The following AGTPBP1 variants were observed in gnomAD, a reference collection of about 807,000 sequenced individuals.
AGTPBP1 encodes the protein cytosolic carboxypeptidase 1.
In AGTPBP1, 70 loss-of-function variants were observed where a neutral mutation model predicts 143.9. The ratio of observed to expected loss-of-function variants is 0.49; its 90% CI spans 0.40 to 0.59. AGTPBP1 has a LOEUF of 0.59. Ranked by LOEUF, AGTPBP1 falls within the 20% of genes least tolerant of loss-of-function variation. The pLI is 0.00. For synonymous variants in AGTPBP1, 463 were observed against 500.2 expected (o/e 0.93, Z 0.99); for missense variants, 1,229 against 1,464.5 (o/e 0.84, Z 2.62).
At chr9:85,553,375 C>T (rs1388023891) in intron 25 of AGTPBP1, among the ~76,000 whole-genome samples, 1 of 152,166 alleles carries the variant, frequency 6.6e-6, no homozygotes, top group Non-Finnish European at 1.5e-5. Flanking sequence ...CAATAAATTA[C>T]TTGAGATATC....
chr9:85,685,979 A>AAT (rs1835463086), intron 3 of AGTPBP1, among the ~76,000 whole-genome samples: 1 of 152,084 alleles, frequency 6.6e-6, no homozygotes, highest in South Asian at 2.1e-4. Context: ...CTAAAAAGCC[A>AAT]ATAGGTAAAT....
chr9:85,717,277 G>A (rs1837767186), intron 1 of AGTPBP1, among the ~76,000 whole-genome samples: 1 of 152,194 alleles, frequency 6.6e-6, no homozygotes, highest in Admixed American at 6.5e-5. Context: ...GCCCAGGTGG[G>A]AGGACTGCTT....
At position 85,695,808 on chromosome 9, in the gene AGTPBP1, G is replaced by A. The variant is rs944460096; in HGVS notation, c.33-2995C>T. ...TGGACAAACAATGATTATTCAGACT[G>A]GGATATTTTGCCAGACATTTTCTTT... On this transcript the variant is annotated intron_variant, in intron 2 of 25. Coordinates refer to ENST00000357081, the MANE Select transcript of AGTPBP1 (RefSeq NM_001330701.2). 2.6e-5 allele frequency among the ~76,000 whole-genome samples: 4 copies of A among 151,920 alleles called. No homozygotes were observed. The East Asian group carries it at 7.7e-4, about 29-fold the overall frequency.
chr9:85,662,258 T>G (rs554097706), intron 8 of AGTPBP1, among the ~76,000 whole-genome samples: 1 of 152,312 alleles, frequency 6.6e-6, no homozygotes, highest in South Asian at 2.1e-4. Context: ...AAGTTCTTAA[T>G]GGCTACACTT....
chr9:85,663,554 G>A (rs1248744260), intron 8 of AGTPBP1, among the ~76,000 whole-genome samples: 1 of 150,818 alleles, frequency 6.6e-6, no homozygotes, highest in African/African-American at 2.4e-5. Context: ...AATTCACAAT[G>A]ACTGGCACTC....
In AGTPBP1 at chr9:85,633,622, T is replaced by C. The variant is rs78267662; in HGVS notation, c.1303-248A>G. Among the ~76,000 whole-genome samples the C allele has an allele frequency of 2.8e-3, 424 of 152,194 alleles. 2 individuals are homozygous for C. Among genetic ancestry groups the C allele is most frequent in the East Asian group, 0.026 (133 of 5,176 alleles). ...TCTTAGAATTCTAAACAGAAAAACATAAAGACTCCAAAATCCTATTAGGGA... is the reference window on the plus strand; with the variant it reads ...TCTTAGAATTCTAAACAGAAAAACACAAAGACTCCAAAATCCTATTAGGGA... On this transcript the variant is annotated intron_variant, in intron 13 of 25. Transcript: ENST00000357081.
intron 6 of AGTPBP1, among the ~76,000 whole-genome samples, chr9:85,675,352 A>G (rs1204330050): frequency 6.6e-6 from 1 of 151,720 alleles, no homozygotes; most frequent in Non-Finnish European, 1.5e-5. Context: ...TCTATATCCT[A>G]TTTTTCCCAA....
intron 13 of AGTPBP1, among the ~76,000 whole-genome samples, chr9:85,634,648 T>G (rs1273473260): frequency 6.6e-6 from 1 of 152,202 alleles, no homozygotes; most frequent in Non-Finnish European, 1.5e-5. Flanking sequence ...GGCCAGATCA[T>G]TCTTTTTTGG....
chr9:85,662,878 G>A (rs1191149211), intron 8 of AGTPBP1, among the ~76,000 whole-genome samples: 1 of 152,128 alleles, frequency 6.6e-6, no homozygotes, highest in African/African-American at 2.4e-5. Flanking sequence ...CTCATTTGAT[G>A]TAATTTTTTA....
At chr9:85,562,963 A>G (rs2132872722) in intron 25 of AGTPBP1, among the ~76,000 whole-genome samples, 1 of 152,218 alleles carries the variant, frequency 6.6e-6, no homozygotes, top group South Asian at 2.1e-4. Context: ...AGACCCCATA[A>G]AGATCCCTCA....
chr9:85,611,066 T>G (rs890814343), intron 17 of AGTPBP1, among the ~76,000 whole-genome samples: 11 of 151,784 alleles, frequency 7.2e-5, no homozygotes, highest in Middle Eastern at 3.4e-3. Context: ...GGAAGGAATC[T>G]CTATTAAACT....
intron 13 of AGTPBP1, among the ~76,000 whole-genome samples, chr9:85,635,957 G>A (rs764207233): frequency 2.0e-5 from 3 of 152,044 alleles, no homozygotes; most frequent in Admixed American, 6.6e-5. Context: ...ACATGGATTC[G>A]CAGCCTGAAT....
At position 85,712,484 on chromosome 9, in the gene AGTPBP1, TATTCAGA is replaced by T. The variant is rs1411991320; in HGVS notation, c.32+11_32+17del. On this transcript the variant is annotated intron_variant, in intron 2 of 25. Coordinates refer to ENST00000357081, the MANE Select transcript of AGTPBP1 (RefSeq NM_001330701.2). ...TATTTCTGTAACTTATGCATACTGA[TATTCAGA>T]ATTACAGTACCTTTTTTCTGGTATC... 2 of 1,391,212 alleles carry T rather than the reference TATTCAGA, an allele frequency of 1.4e-6. No individual in the cohort carries two copies. Among genetic ancestry groups the T allele is most frequent in the African/African-American group, 2.9e-5 (2 of 69,476 alleles). The allele number at this position is 1,391,212 out of a possible 1,614,324, so 86.2% of individuals were successfully genotyped here. A position where few individuals can be genotyped will look rare whatever the true frequency, so the allele number is the denominator to read the frequency against.
chr9:85,785,456 A>G, the AGTPBP1 span, among the ~76,000 whole-genome samples: 1,273 of 152,356 alleles, frequency 8.4e-3, 20 homozygotes, highest in African/African-American at 0.029. Context: ...ATTTCTCTTA[A>G]GCAAGTTTTT....
chr9:85,559,304 G>A (rs1489253268), intron 25 of AGTPBP1, among the ~76,000 whole-genome samples: 2 of 151,912 alleles, frequency 1.3e-5, no homozygotes, highest in African/African-American at 4.8e-5. Context: ...AATGCCCTGG[G>A]AATATATAAC....
intron 14 of AGTPBP1, among the ~76,000 whole-genome samples, chr9:85,630,391 C>CTTACTTACTTATTTATTTATTTAT (rs777830669): frequency 4.6e-4 from 70 of 151,480 alleles, no homozygotes; most frequent in Middle Eastern, 3.4e-3. Flanking sequence ...TACTTACTTA[C>CTTACTTACTTATTTATTTATTTAT]TTATTTATTT....
intron 4 of AGTPBP1, among the ~76,000 whole-genome samples, chr9:85,680,002 T>C (rs937202976): frequency 1.5e-4 from 23 of 152,216 alleles, no homozygotes; most frequent in African/African-American, 5.5e-4. Context: ...GATTCAATGT[T>C]ACCTTTTTCC....
chr9:85,590,458 T>C (rs866254319), intron 19 of AGTPBP1, among the ~76,000 whole-genome samples: 3 of 152,200 alleles, frequency 2.0e-5, no homozygotes, highest in Non-Finnish European at 2.9e-5. Flanking sequence ...TATGTGGTTA[T>C]ACCAAAAATA....
At chr9:85,765,320 T>C in the AGTPBP1 span, among the ~76,000 whole-genome samples, 2 of 152,294 alleles carry the variant, frequency 1.3e-5, no homozygotes, top group East Asian at 3.9e-4. Context: ...ATTTATTACA[T>C]ACAAGAGATG....
Sources: allele counts gnomAD v4.1 joint callset (sites outside exome capture counted in the v4.1 genomes callset), GRCh38; gene constraint gnomAD v4.1.1; transcripts MANE v1.5; gene names NCBI Gene and HGNC (gene_info 2026-07-23, HGNC 2026-07-21).